Variants in SLC26A9 observed in about 807,000 individuals in gnomAD.
SLC26A9 encodes the protein anion transporter/exchanger protein 9.
A neutral mutation model predicts 87.1 loss-of-function variants in SLC26A9; 46 were observed. The observed-to-expected ratio is 0.53, with a 90% confidence interval of 0.42 to 0.67. The LOEUF is 0.67. SLC26A9 is among the 30% of genes least tolerant of loss of function. The pLI, the probability that SLC26A9 is intolerant of heterozygous loss-of-function variation, is 0.00. For missense variants in SLC26A9, 927 were observed against 1,018.3 expected (o/e 0.91, Z 1.22); for synonymous variants, 437 against 409.1 (o/e 1.07, Z -0.82).
chr1:205,923,374 A>G lies in SLC26A9; in HGVS notation c.1620T>C (p.Phe540=). The part of the protein sequence containing the change: ...KIITYCSPLY[F]ANSEIFRQKV... ...TTTGCCTGAAGATCTCTGAGTTGGCAAAGTAGAGAGGGGAGCAGTACGTGA... is the reference window on the plus strand; with the variant it reads ...TTTGCCTGAAGATCTCTGAGTTGGCGAAGTAGAGAGGGGAGCAGTACGTGA... The change falls in exon 15 of 21, where the codon TTT becomes TTC. Residue 540 remains phenylalanine (F), a synonymous_variant. Coordinates refer to ENST00000367135, the MANE Select transcript of SLC26A9 (RefSeq NM_052934.4). The G allele has an allele frequency of 6.2e-7, 1 of 1,614,204 alleles. No homozygotes were observed.
rs565013646 is a variant in SLC26A9 at position 205,919,495 on chromosome 1, C to T, written c.2111-510G>A. Among the ~76,000 whole-genome samples, 23 of 152,292 alleles carry T rather than the reference C, an allele frequency of 1.5e-4. No individual in the cohort carries two copies. In the East Asian group the frequency reaches 1.5e-3, roughly 10 times the overall value. ...TGCCACTGCAGATTCTCTCCCCGAA[C>T]GTGGCCATGCGGAGCTTGGGAACTG... On this transcript the variant is annotated intron_variant, in intron 18 of 20. Coordinates refer to ENST00000367135, the MANE Select transcript of SLC26A9 (RefSeq NM_052934.4).
rs914501636 is a variant in SLC26A9 at position 205,921,922 on chromosome 1, G to A, written c.1774-75C>T. ...AGACCTTGCTGTGACTGAAGCAGGGGCATGGAGGGTGTAGGTGTAGGGGAA... is the reference window on the plus strand; with the variant it reads ...AGACCTTGCTGTGACTGAAGCAGGGACATGGAGGGTGTAGGTGTAGGGGAA... On this transcript the variant is annotated intron_variant, in intron 16 of 20. Coordinates refer to ENST00000367135, the MANE Select transcript of SLC26A9 (RefSeq NM_052934.4). 5 of 1,515,306 alleles carry A rather than the reference G, an allele frequency of 3.3e-6. No homozygotes were observed. In the Admixed American group the frequency reaches 7.9e-5, roughly 24 times the overall value. 93.9% of individuals were successfully genotyped at this position (1,515,306 alleles called of 1,614,324 possible). A position where few individuals can be genotyped will look rare whatever the true frequency, so the allele number is the denominator to read the frequency against.
At position 205,921,809 on chromosome 1, in the gene SLC26A9, A is replaced by T. The variant is rs1346199504; in HGVS notation, c.1812T>A (p.Asn604Lys). The change falls in exon 17 of 21, where the codon AAT (asparagine) becomes AAA (lysine). Residue 604 changes from asparagine to lysine, a missense_variant. By Grantham distance (94) the Asn-to-Lys change is moderately conservative. Coordinates refer to ENST00000367135, the MANE Select transcript of SLC26A9 (RefSeq NM_052934.4). ...TGTTGTTGGGGTCGGTGGGGGGCGC[A>T]TTCTCAAAGTCCTGCTGCAGCTCCT... ...SLQELQQDFE[N>K]APPTDPNNNQ... 1 of 1,607,192 alleles carries T rather than the reference A, an allele frequency of 6.2e-7. No individual in the cohort carries two copies. The highest frequency in any genetic ancestry group is 1.3e-5 in the African/African-American group (1 of 74,884).
rs1491208867 is a variant in SLC26A9, at chr1:205,915,517, CCT to C, written c.2329-115_2329-114del. 1.8e-3 allele frequency: 2,060 copies of C among 1,156,438 alleles called. 10 individuals are homozygous for C. The highest frequency in any genetic ancestry group is 2.1e-3 in the Non-Finnish European group (1,751 of 826,732). The allele number at this position is 1,156,438 out of a possible 1,614,324, so 71.6% of individuals were successfully genotyped here. ...AGGAACCCCTGGCCAGAACAAAGCACCTGTGTGTGTGTGTGTGTGTGTGTGTG... is the reference window on the plus strand; with the variant it reads ...AGGAACCCCTGGCCAGAACAAAGCACGTGTGTGTGTGTGTGTGTGTGTGTG... On this transcript the variant is annotated intron_variant, in intron 20 of 20. Transcript: ENST00000367135.
At chr1:205,926,014 G>A (rs994187170) in intron 12 of SLC26A9, among the ~76,000 whole-genome samples, 1 of 152,168 alleles carries the variant, frequency 6.6e-6, no homozygotes, top group Non-Finnish European at 1.5e-5. Flanking sequence ...AACCATGACT[G>A]CATGAGTCTC....
intron 16 of SLC26A9, among the ~76,000 whole-genome samples, chr1:205,922,364 C>A (rs1166426850): frequency 6.6e-6 from 1 of 152,186 alleles, no homozygotes; most frequent in African/African-American, 2.4e-5. Context: ...GTCTCGAACT[C>A]CTGAACTCAT....
chr1:205,933,610 T>A (rs1341688925), intron 2 of SLC26A9, among the ~76,000 whole-genome samples: 1 of 152,194 alleles, frequency 6.6e-6, no homozygotes, highest in East Asian at 1.9e-4. Flanking sequence ...CAGGGGCACT[T>A]AGTAAATATT....
In SLC26A9 at chr1:205,930,233, C is replaced by T. The variant is rs906948734; in HGVS notation, c.553-177G>A. ...CCCTTCACTGTGCTCTACATGGCTG[C>T]CATCAGACCTTCAGCTCCTTTAGAG... On this transcript the variant is annotated intron_variant, in intron 5 of 20. Coordinates refer to ENST00000367135, the MANE Select transcript of SLC26A9 (RefSeq NM_052934.4). 2.6e-5 allele frequency: 14 copies of T among 533,320 alleles called. No individual in the cohort carries two copies. The Admixed American group carries it at 2.7e-4, about 10-fold the overall frequency. The allele number at this position is 533,320 out of a possible 1,614,324, so 33.0% of individuals were successfully genotyped here. A position where few individuals can be genotyped will look rare whatever the true frequency, so the allele number is the denominator to read the frequency against.
chr1:205,938,354 G>C (rs1451774075), intron 1 of SLC26A9, among the ~76,000 whole-genome samples: 1 of 151,452 alleles, frequency 6.6e-6, no homozygotes, highest in Non-Finnish European at 1.5e-5. Context: ...CCCTCTTCAA[G>C]TCTTATCTCA....
At chr1:205,939,882 G>T (rs533196448) in intron 1 of SLC26A9, among the ~76,000 whole-genome samples, 2 of 152,306 alleles carry the variant, frequency 1.3e-5, no homozygotes, top group South Asian at 4.1e-4. Context: ...AAAGTCAAGT[G>T]CCCTATTGCC....
intron 8 of SLC26A9, chr1:205,928,295 G>T: frequency 1.9e-6 from 1 of 536,852 alleles, no homozygotes; most frequent in Non-Finnish European, 3.3e-6. Context: ...CCAGTATGTG[G>T]TAGGGCCTCG....
intron 1 of SLC26A9, among the ~76,000 whole-genome samples, chr1:205,937,919 G>T (rs1409339407): frequency 6.6e-6 from 1 of 152,054 alleles, no homozygotes; most frequent in Non-Finnish European, 1.5e-5. Context: ...AAATTTCAAG[G>T]GGGGCTGAGT....
intron 2 of SLC26A9, among the ~76,000 whole-genome samples, chr1:205,933,465 C>T (rs12023503): frequency 0.13 from 19,622 of 152,176 alleles, 2,103 homozygotes; most frequent in East Asian, 0.64. Flanking sequence ...TGCACCTTGG[C>T]TCCTGCCGCT....
Position 205,914,763 on chromosome 1 carries a change from G to GA in SLC26A9, c.*593_*594insT. 8.6e-7 allele frequency: 1 copy of GA among 1,168,440 alleles called. No individual in the cohort carries two copies. The highest frequency in any genetic ancestry group is 1.2e-6 in the Non-Finnish European group (1 of 826,730). The allele number at this position is 1,168,440 out of a possible 1,614,324, so 72.4% of individuals were successfully genotyped here. A position where few individuals can be genotyped will look rare whatever the true frequency, so the allele number is the denominator to read the frequency against. The stretch of plus-strand genomic sequence containing the variant: ...TTGGGCAGCCTTGGGGATGATGGAG[G>GA]GGGGGCGCATAGTTACCAAGGCCTA... On this transcript the variant is annotated 3_prime_UTR_variant, in exon 21 of 21. Transcript: ENST00000367135.
intron 1 of SLC26A9, among the ~76,000 whole-genome samples, chr1:205,940,122 G>A (rs577004859): frequency 6.6e-6 from 1 of 152,314 alleles, no homozygotes; most frequent in East Asian, 1.9e-4. Flanking sequence ...GAGAGCAGAG[G>A]GCAGGAGATG....
chr1:205,919,850 G>A (rs1485445881), intron 18 of SLC26A9, among the ~76,000 whole-genome samples: 3 of 152,124 alleles, frequency 2.0e-5, no homozygotes, highest in African/African-American at 7.2e-5. Flanking sequence ...GTTTTACATA[G>A]GTAGAAATAG....
At chr1:205,929,808 C>T (rs1659232020) in intron 6 of SLC26A9, 84 bp downstream of exon 6, 2 of 1,459,100 alleles carry the variant, frequency 1.4e-6, no homozygotes, top group African/African-American at 2.8e-5. Context: ...CAATGAGGAG[C>T]TCACGACATC....
At position 205,915,465 on chromosome 1, in the gene SLC26A9, C is replaced by A. The variant is rs1658550861; in HGVS notation, c.2329-61G>T. On this transcript the variant is annotated intron_variant, in intron 20 of 20. Transcript: ENST00000367135. ...AGAGAGGTTAGACCAGTTGGGGTCA[C>A]AGTGGCTGCAACCAAGAGGTGACCC... 48 of 1,610,852 alleles carry A rather than the reference C, an allele frequency of 3.0e-5. No homozygotes were observed. In the South Asian group the frequency reaches 5.2e-4, roughly 17 times the overall value.
At chr1:205,929,141 G>T (rs1659202736) in intron 7 of SLC26A9, 63 bp downstream of exon 7, 2 of 1,576,360 alleles carry the variant, frequency 1.3e-6, no homozygotes, top group Non-Finnish European at 1.7e-6. Flanking sequence ...GTGAGGAAAG[G>T]TAGGGGCTTC....
Sources: allele counts gnomAD v4.1 joint callset (sites outside exome capture counted in the v4.1 genomes callset), GRCh38; gene constraint gnomAD v4.1.1; transcripts MANE v1.5; gene names NCBI Gene and HGNC (gene_info 2026-07-23, HGNC 2026-07-21).